Variants in RHOB observed in about 807,000 individuals in gnomAD.
RHOB encodes the protein rho-related GTP-binding protein RhoB.
RHOB carries 6 observed loss-of-function variants against 12.9 expected under a neutral mutation model. That is an observed-to-expected ratio of 0.47 (90% CI 0.25 to 0.92). The LOEUF is 0.92. Ranked by LOEUF, RHOB falls within the 40% of genes least tolerant of loss-of-function variation. The probability of loss-of-function intolerance (pLI) is 0.16; values close to 1 mark genes in which losing one functional copy is unlikely to be tolerated. For synonymous variants in RHOB, 168 were observed against 122.1 expected (o/e 1.38, Z -2.48); for missense variants, 142 against 277.9 (o/e 0.51, Z 3.48).
At position 20,449,095 on chromosome 2, in the gene RHOB, C is replaced by T. The variant is rs1395231472; in HGVS notation, c.*1039C>T. The stretch of plus-strand genomic sequence containing the variant: ...TGCTTTGTTTCCTTGAAGAATGTGG[C>T]AACACTGTTTTGTGATTTTATTTGT... On this transcript the variant is annotated 3_prime_UTR_variant, in exon 1 of 1. Transcript: ENST00000272233. The T allele has an allele frequency of 1.8e-5, 3 of 166,854 alleles. No individual in the cohort carries two copies. Among genetic ancestry groups the T allele is most frequent in the Non-Finnish European group, 4.4e-5 (3 of 68,088 alleles). The allele number at this position is 166,854 out of a possible 1,614,324, so 10.3% of individuals were successfully genotyped here. A position where few individuals can be genotyped will look rare whatever the true frequency, so the allele number is the denominator to read the frequency against.
At position 20,447,597 on chromosome 2, in the gene RHOB, C is replaced by G. The variant is rs748235060; in HGVS notation, c.132C>G (p.Ala44=). ...CCACCGTCTTCGAGAACTATGTGGC[C>G]GACATTGAGGTGGACGGCAAGCAGG... ...YVPTVFENYV[A]DIEVDGKQVE... The change falls in exon 1 of 1, where the codon GCC becomes GCG. Residue 44 remains alanine, a synonymous_variant. Transcript: ENST00000272233. 28 of 1,613,954 alleles carry G rather than the reference C, an allele frequency of 1.7e-5. No homozygotes were observed. The South Asian group carries it at 2.9e-4, about 16-fold the overall frequency.
Position 20,447,944 on chromosome 2 carries a change from C to CT in RHOB, c.480dup (p.Ala161CysfsTer125). 1 of 1,613,126 alleles carries CT rather than the reference C, an allele frequency of 6.2e-7. No individual in the cohort carries two copies. Among genetic ancestry groups the CT allele is most frequent in the Non-Finnish European group, 8.5e-7 (1 of 1,180,008 alleles). ...CAAGCCTACGACTACCTCGAGTGCT[C>CT]TGCCAAGACCAAGGAAGGCGTGCGC... On this transcript the variant is annotated frameshift_variant, in exon 1 of 1. Coordinates refer to ENST00000272233, the MANE Select transcript of RHOB (RefSeq NM_004040.4). LOFTEE classifies it high-confidence loss of function.
chr2:20,447,834 C>T lies in RHOB; in HGVS notation c.369C>T (p.Ser123=). The T allele has an allele frequency of 6.2e-7, 1 of 1,613,790 alleles. No individual in the cohort carries two copies. The highest frequency in any genetic ancestry group is 1.1e-5 in the South Asian group (1 of 91,080). ...TGGCCAACAAAAAAGACCTGCGCAG[C>T]GACGAGCATGTCCGCACAGAGCTGG... is the stretch of plus-strand genomic sequence containing the variant. The part of the protein sequence containing the change: ...ILVANKKDLR[S]DEHVRTELAR... The change falls in exon 1 of 1, where the codon AGC becomes AGT. Residue 123 remains serine, a synonymous_variant. Coordinates refer to ENST00000272233, the MANE Select transcript of RHOB (RefSeq NM_004040.4).
Position 20,447,664 on chromosome 2 carries a change from G to T in RHOB, c.199G>T (p.Asp67Tyr). The change falls in exon 1 of 1, where the codon GAC becomes TAC. Residue 67 changes from aspartate to tyrosine, a missense_variant. Coordinates refer to ENST00000272233, the MANE Select transcript of RHOB (RefSeq NM_004040.4). ...LWDTAGQEDYDRLRPLSYPDT... is the reference protein window; with the variant it reads ...LWDTAGQEDYYRLRPLSYPDT... ...GGACACGGCGGGCCAGGAGGACTAC[G>T]ACCGCCTGCGGCCGCTCTCCTACCC... 6.2e-7 allele frequency: 1 copy of T among 1,613,792 alleles called. No individual in the cohort carries two copies. Among genetic ancestry groups the T allele is most frequent in the East Asian group, 2.2e-5 (1 of 44,862 alleles).
At position 20,448,202 on chromosome 2, in the gene RHOB, C is replaced by T. The variant is rs924553263; in HGVS notation, c.*146C>T. Reference sequence around the variant, plus strand: ...TGTCTGCTGACGCCTCTGGCTTGCGCCAGGACTTGGCGTGGGCACCGGGCG... The same window carrying T: ...TGTCTGCTGACGCCTCTGGCTTGCGTCAGGACTTGGCGTGGGCACCGGGCG... On this transcript the variant is annotated 3_prime_UTR_variant, in exon 1 of 1. Coordinates refer to ENST00000272233, the MANE Select transcript of RHOB (RefSeq NM_004040.4). 1.3e-5 allele frequency: 10 copies of T among 759,050 alleles called. No individual in the cohort carries two copies. The highest frequency in any genetic ancestry group is 2.1e-5 in the Non-Finnish European group (10 of 468,908). 47.0% of individuals were successfully genotyped at this position (759,050 alleles called of 1,614,324 possible).
In RHOB at chr2:20,448,257, C is replaced by T; in HGVS notation, c.*201C>T. ...CATCCCAGTGTCTGTGTGCGTCCAG[C>T]TGTGTTGCACAGGCCTGGGCTCCCC... On this transcript the variant is annotated 3_prime_UTR_variant, in exon 1 of 1. Coordinates refer to ENST00000272233, the MANE Select transcript of RHOB (RefSeq NM_004040.4). 1.6e-6 allele frequency: 1 copy of T among 613,654 alleles called. No individual in the cohort carries two copies. 38.0% of individuals were successfully genotyped at this position (613,654 alleles called of 1,614,324 possible). A position where few individuals can be genotyped will look rare whatever the true frequency, so the allele number is the denominator to read the frequency against.
chr2:20,447,870 G>A lies in RHOB; in HGVS notation c.405G>A (p.Lys135=). 6.2e-7 allele frequency: 1 copy of A among 1,613,500 alleles called. No individual in the cohort carries two copies. Among genetic ancestry groups the A allele is most frequent in the East Asian group, 2.2e-5 (1 of 44,862 alleles). Reference sequence around the variant, plus strand: ...TCCGCACAGAGCTGGCCCGCATGAAGCAGGAACCCGTGCGCACGGATGACG... The same window carrying A: ...TCCGCACAGAGCTGGCCCGCATGAAACAGGAACCCGTGCGCACGGATGACG... The part of the protein sequence containing the change: ...EHVRTELARM[K]QEPVRTDDGR... Residue 135 remains lysine, a synonymous_variant, in exon 1 of 1, where the codon AAG becomes AAA. Coordinates refer to ENST00000272233, the MANE Select transcript of RHOB (RefSeq NM_004040.4).
chr2:20,448,301 C>T lies in RHOB; in HGVS notation c.*245C>T, dbSNP rs1001270444. The T allele has an allele frequency of 1.6e-5, 9 of 550,952 alleles. No individual in the cohort carries two copies. The African/African-American group carries it at 1.7e-4, about 11-fold the overall frequency. The allele number at this position is 550,952 out of a possible 1,614,324, so 34.1% of individuals were successfully genotyped here. On this transcript the variant is annotated 3_prime_UTR_variant, in exon 1 of 1. Transcript: ENST00000272233. ...GCTCCCCACTGAGTGCCAAGGGTCC[C>T]CTGAGCATGCTTTTCTGAAGAGCCG...
In RHOB at chr2:20,447,117, A is replaced by C. The variant is rs1055838855; in HGVS notation, c.-349A>C. On this transcript the variant is annotated 5_prime_UTR_variant, in exon 1 of 1. Coordinates refer to ENST00000272233, the MANE Select transcript of RHOB (RefSeq NM_004040.4). The stretch of plus-strand genomic sequence containing the variant: ...GTTGGAGCTGTTGTCTTGTATGCTC[A>C]GCGAGGCCCGGAGAGACCCGGGAGA... The C allele has an allele frequency of 2.2e-5, 5 of 230,938 alleles. No homozygotes were observed. The highest frequency in any genetic ancestry group is 4.5e-5 in the African/African-American group (2 of 44,006). The allele number at this position is 230,938 out of a possible 1,614,324, so 14.3% of individuals were successfully genotyped here.
rs887770992 is a variant in RHOB at position 20,447,125 on chromosome 2, C to T, written c.-341C>T. ...TGTTGTCTTGTATGCTCAGCGAGGC[C>T]CGGAGAGACCCGGGAGAGAGCTAGG... On this transcript the variant is annotated 5_prime_UTR_variant, in exon 1 of 1. Transcript: ENST00000272233. 2.9e-5 allele frequency: 7 copies of T among 244,544 alleles called. No individual in the cohort carries two copies. The highest frequency in any genetic ancestry group is 5.5e-5 in the Non-Finnish European group (7 of 128,356). The allele number at this position is 244,544 out of a possible 1,614,324, so 15.1% of individuals were successfully genotyped here.
rs906877586 is a variant in RHOB, at chr2:20,448,299, C to T, written c.*243C>T. On this transcript the variant is annotated 3_prime_UTR_variant, in exon 1 of 1. Transcript: ENST00000272233. ...GGGCTCCCCACTGAGTGCCAAGGGT[C>T]CCCTGAGCATGCTTTTCTGAAGAGC... The T allele has an allele frequency of 1.8e-5, 10 of 554,576 alleles. No individual in the cohort carries two copies. Among genetic ancestry groups the T allele is most frequent in the Non-Finnish European group, 3.3e-5 (10 of 304,716 alleles). The allele number at this position is 554,576 out of a possible 1,614,324, so 34.4% of individuals were successfully genotyped here.
In RHOB at chr2:20,448,416, G is replaced by T; in HGVS notation, c.*360G>T. ...CCTCTGATCCCCGGGGGCGAGATTG[G>T]CGCGGGAGTGTGGCCGCGCCCCATC... is the stretch of plus-strand genomic sequence containing the variant. On this transcript the variant is annotated 3_prime_UTR_variant, in exon 1 of 1. Transcript: ENST00000272233. 1 of 276,686 alleles carries T rather than the reference G, an allele frequency of 3.6e-6. No homozygotes were observed. Among genetic ancestry groups the T allele is most frequent in the Non-Finnish European group, 7.3e-6 (1 of 136,214 alleles). The allele number at this position is 276,686 out of a possible 1,614,324, so 17.1% of individuals were successfully genotyped here. A position where few individuals can be genotyped will look rare whatever the true frequency, so the allele number is the denominator to read the frequency against.
chr2:20,448,566 T>C lies in RHOB; in HGVS notation c.*510T>C, dbSNP rs1691048157. On this transcript the variant is annotated 3_prime_UTR_variant, in exon 1 of 1. Coordinates refer to ENST00000272233, the MANE Select transcript of RHOB (RefSeq NM_004040.4). ...TGTTATATAAATATAGATATAATTT[T>C]ATTTTCGGAGCTAAGATGGTGTTAT... The C allele has an allele frequency of 3.6e-5, 6 of 167,804 alleles. No individual in the cohort carries two copies. 10.4% of individuals were successfully genotyped at this position (167,804 alleles called of 1,614,324 possible). A position where few individuals can be genotyped will look rare whatever the true frequency, so the allele number is the denominator to read the frequency against.
Position 20,447,822 on chromosome 2 carries a change from A to G in RHOB, c.357A>G (p.Lys119=). 1.9e-6 allele frequency: 3 copies of G among 1,613,856 alleles called. No homozygotes were observed. Among genetic ancestry groups the G allele is most frequent in the Non-Finnish European group, 2.5e-6 (3 of 1,180,004 alleles). The change falls in exon 1 of 1, where the codon AAA becomes AAG. Residue 119 remains lysine, a synonymous_variant. Coordinates refer to ENST00000272233, the MANE Select transcript of RHOB (RefSeq NM_004040.4). Reference sequence around the variant, plus strand: ...CCATCATCCTGGTGGCCAACAAAAAAGACCTGCGCAGCGACGAGCATGTCC... The same window carrying G: ...CCATCATCCTGGTGGCCAACAAAAAGGACCTGCGCAGCGACGAGCATGTCC... ...NVPIILVANK[K]DLRSDEHVRT... is the part of the protein sequence containing the mutation.
Position 20,447,408 on chromosome 2 carries a change from G to GC in RHOB, c.-57dup. ...GCCCGAGGTGAGCAGTGAGCGGCGAGCGGGAGGGCAGCGAGGCGTTCGCGG... is the reference window on the plus strand; with the variant it reads ...GCCCGAGGTGAGCAGTGAGCGGCGAGCCGGGAGGGCAGCGAGGCGTTCGCGG... On this transcript the variant is annotated 5_prime_UTR_variant, in exon 1 of 1. Coordinates refer to ENST00000272233, the MANE Select transcript of RHOB (RefSeq NM_004040.4). 1 of 1,394,196 alleles carries GC rather than the reference G, an allele frequency of 7.2e-7. No homozygotes were observed. The highest frequency in any genetic ancestry group is 9.8e-7 in the Non-Finnish European group (1 of 1,024,652). 86.4% of individuals were successfully genotyped at this position (1,394,196 alleles called of 1,614,324 possible).
In RHOB at chr2:20,447,634, C is replaced by T. The variant is rs771157145; in HGVS notation, c.169C>T (p.Leu57=). The change falls in exon 1 of 1, where the codon CTG becomes TTG. Residue 57 remains leucine, a synonymous_variant. Transcript: ENST00000272233. The stretch of plus-strand genomic sequence containing the variant: ...GGACGGCAAGCAGGTGGAGCTGGCG[C>T]TGTGGGACACGGCGGGCCAGGAGGA... The part of the protein sequence containing the change: ...EVDGKQVELA[L]WDTAGQEDYD... 1.2e-6 allele frequency: 2 copies of T among 1,614,042 alleles called. No individual in the cohort carries two copies. Among genetic ancestry groups the T allele is most frequent in the Non-Finnish European group, 1.7e-6 (2 of 1,180,012 alleles).
chr2:20,447,552 G>T lies in RHOB; in HGVS notation c.87G>T (p.Glu29Asp). Reference sequence around the variant, plus strand: ...TGCTGATCGTGTTCAGTAAGGACGAGTTCCCCGAGGTGTACGTGCCCACCG... The same window carrying T: ...TGCTGATCGTGTTCAGTAAGGACGATTTCCCCGAGGTGTACGTGCCCACCG... ...TCLLIVFSKDEFPEVYVPTVF... is the reference protein window; with the variant it reads ...TCLLIVFSKDDFPEVYVPTVF... Residue 29 changes from glutamate to aspartate, a missense_variant, in exon 1 of 1, where the codon GAG (glutamate) becomes GAT (aspartate). Around this residue, in one of 2 missense-constraint regions of RHOB, gnomAD observed 29 missense variants for 111.5 expected, o/e 0.26. Transcript: ENST00000272233. 1.2e-6 allele frequency: 2 copies of T among 1,614,162 alleles called. No homozygotes were observed. Among genetic ancestry groups the T allele is most frequent in the Non-Finnish European group, 1.7e-6 (2 of 1,180,040 alleles).
rs1691024447 is a variant in RHOB, at chr2:20,447,630, G to A, written c.165G>A (p.Leu55=). ...AGGTGGACGGCAAGCAGGTGGAGCT[G>A]GCGCTGTGGGACACGGCGGGCCAGG... is the stretch of plus-strand genomic sequence containing the variant. ...DIEVDGKQVE[L]ALWDTAGQED... is the part of the protein sequence containing the mutation. Residue 55 remains leucine (L), a synonymous_variant, in exon 1 of 1, where the codon CTG becomes CTA. Coordinates refer to ENST00000272233, the MANE Select transcript of RHOB (RefSeq NM_004040.4). 1 of 1,614,098 alleles carries A rather than the reference G, an allele frequency of 6.2e-7. No homozygotes were observed. Among genetic ancestry groups the A allele is most frequent in the East Asian group, 2.2e-5 (1 of 44,868 alleles).
chr2:20,448,111 T>G lies in RHOB; in HGVS notation c.*55T>G. 4.0e-5 allele frequency: 57 copies of G among 1,421,806 alleles called. No homozygotes were observed. Among genetic ancestry groups the G allele is most frequent in the Non-Finnish European group, 5.2e-5 (54 of 1,037,540 alleles). 88.1% of individuals were successfully genotyped at this position (1,421,806 alleles called of 1,614,324 possible). On this transcript the variant is annotated 3_prime_UTR_variant, in exon 1 of 1. Transcript: ENST00000272233. The stretch of plus-strand genomic sequence containing the variant: ...GGCACGGCTCCCCCTCCTGGACCAG[T>G]CCCCCGCGAGCCCGGAGAAGGGGAG...
Sources: gnomAD v4.1 joint callset for allele counts on GRCh38, gnomAD v4.1.1 for gene constraint, gnomAD v4.1.1 regional missense constraint, MANE v1.5 for transcripts, NCBI Gene and HGNC (gene_info 2026-07-23, HGNC 2026-07-21) for gene names.